Variants in SPTBN1 observed in about 807,000 individuals in gnomAD.
SPTBN1 encodes the protein spectrin beta chain, non-erythrocytic 1.
SPTBN1 carries 32 observed loss-of-function variants against 266.4 expected under a neutral mutation model. The ratio of observed to expected loss-of-function variants is 0.12; its 90% CI spans 0.09 to 0.16. The LOEUF is 0.16. SPTBN1 is among the 10% of genes least tolerant of loss of function. The pLI is 1.00. For synonymous variants in SPTBN1, 1,336 were observed against 1,162.2 expected (o/e 1.15, Z -3.04); for missense variants, 2,296 against 3,067.1 (o/e 0.75, Z 5.94).
intron 23 of SPTBN1, 102 bp from the exon 24 acceptor site, chr2:54,647,029 A>G (rs367589216): frequency 2.3e-5 from 36 of 1,560,778 alleles, no homozygotes; most frequent in South Asian, 3.5e-5. Context: ...TTTTCTTTCT[A>G]CTGATCCTTC....
intron 4 of SPTBN1, among the ~76,000 whole-genome samples, chr2:54,612,972 G>A (rs1677327498): frequency 6.6e-6 from 1 of 152,162 alleles, no homozygotes; most frequent in Non-Finnish European, 1.5e-5. Flanking sequence ...AGGTCATTTT[G>A]TCCACTTCTT....
At chr2:54,639,238 G>C (rs1001971152) in intron 18 of SPTBN1, among the ~76,000 whole-genome samples, 6 of 152,228 alleles carry the variant, frequency 3.9e-5, no homozygotes, top group Non-Finnish European at 8.8e-5. Flanking sequence ...GAGTTGCCTA[G>C]TGTGCTGCGG....
intron 30 of SPTBN1, among the ~76,000 whole-genome samples, chr2:54,658,703 G>A (rs117293329): frequency 6.6e-6 from 1 of 152,260 alleles, no homozygotes; most frequent in East Asian, 1.9e-4. Flanking sequence ...ACTATTCTGT[G>A]GCTTTTTAAT....
intron 7 of SPTBN1, among the ~76,000 whole-genome samples, chr2:54,620,231 A>T (rs1043633735): frequency 1.3e-4 from 20 of 152,360 alleles, no homozygotes; most frequent in Non-Finnish European, 2.5e-4. Flanking sequence ...CAAACAAAAC[A>T]TGCATAAAAA....
chr2:54,603,237 A>C (rs886655930), intron 3 of SPTBN1, among the ~76,000 whole-genome samples: 1 of 151,486 alleles, frequency 6.6e-6, no homozygotes, highest in Admixed American at 6.6e-5. Context: ...AGAGTGTGAA[A>C]GCTCATAGTT....
chr2:54,668,671 A>T lies in SPTBN1; in HGVS notation c.*102A>T, dbSNP rs184209681. On this transcript the variant is annotated 3_prime_UTR_variant, in exon 36 of 36. Coordinates refer to ENST00000356805, the MANE Select transcript of SPTBN1 (RefSeq NM_003128.3). ...TACTCTCTGTGCCTAATGTTCCTCA[A>T]TGTGGTTGATTTTTTTTTTTTTTTA... 2.4e-6 allele frequency: 2 copies of T among 844,052 alleles called. No homozygotes were observed. Among genetic ancestry groups the T allele is most frequent in the East Asian group, 4.4e-5 (1 of 22,554 alleles). 52.3% of individuals were successfully genotyped at this position (844,052 alleles called of 1,614,324 possible). A position where few individuals can be genotyped will look rare whatever the true frequency, so the allele number is the denominator to read the frequency against.
chr2:54,494,423 C>T (rs889304153), intron 1 of SPTBN1, among the ~76,000 whole-genome samples: 4 of 151,972 alleles, frequency 2.6e-5, no homozygotes, highest in African/African-American at 9.7e-5. Flanking sequence ...AACACATATT[C>T]GTACAAAAAA....
chr2:54,566,429 C>T (rs551324191), intron 2 of SPTBN1, among the ~76,000 whole-genome samples: 3 of 152,070 alleles, frequency 2.0e-5, no homozygotes, highest in Admixed American at 2.0e-4. Flanking sequence ...CTCAGGTGAT[C>T]CACCCCCCTT....
At chr2:54,521,440 A>G (rs1021208876) in intron 1 of SPTBN1, among the ~76,000 whole-genome samples, 1 of 152,206 alleles carries the variant, frequency 6.6e-6, no homozygotes, top group Non-Finnish European at 1.5e-5. Flanking sequence ...ACAGATGGAG[A>G]ATATTGAAGA....
Position 54,558,054 on chromosome 2 carries a change from C to T in SPTBN1, c.148+31488C>T, listed in dbSNP as rs1663889082. 2 of 985,394 alleles carry T rather than the reference C, an allele frequency of 2.0e-6. No individual in the cohort carries two copies. Among genetic ancestry groups the T allele is most frequent in the Non-Finnish European group, 1.2e-6 (1 of 829,918 alleles). 61.0% of individuals were successfully genotyped at this position (985,394 alleles called of 1,614,324 possible). A position where few individuals can be genotyped will look rare whatever the true frequency, so the allele number is the denominator to read the frequency against. On this transcript the variant is annotated intron_variant, in intron 2 of 35. Coordinates refer to ENST00000356805, the MANE Select transcript of SPTBN1 (RefSeq NM_003128.3). The surrounding 1 kb of genome is among the most constrained non-coding windows in gnomAD (Gnocchi z 4.6). ...CACTCTCCAGGCCGTCCCGTGGGCG[C>T]GCTAGCCTTTTCAAGTGATAGTAAT...
chr2:54,494,001 G>A (rs1376325179), intron 1 of SPTBN1, among the ~76,000 whole-genome samples: 1 of 152,186 alleles, frequency 6.6e-6, no homozygotes, highest in Non-Finnish European at 1.5e-5. Flanking sequence ...GATAATCACA[G>A]TGTCATGCTC....
chr2:54,567,413 C>T (rs1489929924), intron 2 of SPTBN1, among the ~76,000 whole-genome samples: 1 of 152,028 alleles, frequency 6.6e-6, no homozygotes, highest in Non-Finnish European at 1.5e-5. Flanking sequence ...AATCTTGGCT[C>T]ACTGCAACCC....
Position 54,665,957 on chromosome 2 carries a change from G to A in SPTBN1, c.6702G>A (p.Met2234Ile). The change falls in exon 34 of 36, where the codon ATG becomes ATA. Residue 2234 changes from methionine (M) to isoleucine (I), a missense_variant. By Grantham distance (10) the Met-to-Ile change is conservative. Coordinates refer to ENST00000356805, the MANE Select transcript of SPTBN1 (RefSeq NM_003128.3). Reference sequence around the variant, plus strand: ...ATTGTGTCATAAATAACCAAGAAATGGGTTTCTACAAAGATGCAAAGACTG... The same window carrying A: ...ATTGTGTCATAAATAACCAAGAAATAGGTTTCTACAAAGATGCAAAGACTG... ...NVYCVINNQE[M>I]GFYKDAKTAA... 3 of 1,613,968 alleles carry A rather than the reference G, an allele frequency of 1.9e-6. No individual in the cohort carries two copies. The highest frequency in any genetic ancestry group is 1.7e-6 in the Non-Finnish European group (2 of 1,179,978).
intron 1 of SPTBN1, among the ~76,000 whole-genome samples, chr2:54,469,937 G>A (rs1479439749): frequency 4.6e-5 from 7 of 152,164 alleles, no homozygotes; most frequent in Non-Finnish European, 1.5e-5. Flanking sequence ...CTGCCATTTC[G>A]GAAGGAAAGA....
rs1172365396 is a variant in SPTBN1 at position 54,558,195 on chromosome 2, C to A, written c.148+31629C>A. 2.0e-6 allele frequency: 2 copies of A among 985,230 alleles called. No homozygotes were observed. The highest frequency in any genetic ancestry group is 2.4e-6 in the Non-Finnish European group (2 of 829,904). The allele number at this position is 985,230 out of a possible 1,614,324, so 61.0% of individuals were successfully genotyped here. On this transcript the variant is annotated intron_variant, in intron 2 of 35. Coordinates refer to ENST00000356805, the MANE Select transcript of SPTBN1 (RefSeq NM_003128.3). The surrounding 1 kb of genome is among the most constrained non-coding windows in gnomAD (Gnocchi z 4.6). ...CGGCCGGGGGTCGGCGGCTGCCGGG[C>A]GGCTGGGGCGACCGCGGACCGTGCG...
chr2:54,621,684 T>A (rs1415536606), intron 8 of SPTBN1, among the ~76,000 whole-genome samples, 172 bp downstream of exon 8: 2 of 152,198 alleles, frequency 1.3e-5, no homozygotes, highest in Admixed American at 6.5e-5. Flanking sequence ...GTGGGAGAGA[T>A]GGCCACCATA....
intron 2 of SPTBN1, among the ~76,000 whole-genome samples, chr2:54,567,680 G>A (rs1437314834): frequency 6.6e-6 from 1 of 152,102 alleles, no homozygotes; most frequent in African/African-American, 2.4e-5. Flanking sequence ...CAATGCACAT[G>A]ATACCCACCA....
At chr2:54,639,246 C>G (rs184244308) in intron 18 of SPTBN1, among the ~76,000 whole-genome samples, 13 of 152,164 alleles carry the variant, frequency 8.5e-5, no homozygotes, top group Non-Finnish European at 1.8e-4. Flanking sequence ...TAGTGTGCTG[C>G]GGTAATACCA....
At chr2:54,555,282 C>G (rs547393604) in intron 2 of SPTBN1, among the ~76,000 whole-genome samples, 9 of 152,296 alleles carry the variant, frequency 5.9e-5, no homozygotes, top group Admixed American at 1.3e-4. Flanking sequence ...GTTTTGAGCT[C>G]TAGTTCCACA....
Sources: allele counts gnomAD v4.1 joint callset (sites outside exome capture counted in the v4.1 genomes callset), GRCh38; gene constraint gnomAD v4.1.1; non-coding constraint Gnocchi (gnomAD v3.1); transcripts MANE v1.5; gene names NCBI Gene and HGNC (gene_info 2026-07-23, HGNC 2026-07-21).